The following SCAMP5 variants were observed in gnomAD, a reference collection of about 807,000 sequenced individuals.
The protein encoded by SCAMP5 is secretory carrier-associated membrane protein 5.
Under a neutral mutation model 28.3 loss-of-function variants are expected in SCAMP5, and 7 were observed. The ratio of observed to expected loss-of-function variants is 0.25; its 90% CI spans 0.14 to 0.46. The LOEUF is 0.46. Ranked by LOEUF, SCAMP5 falls within the 20% of genes least tolerant of loss-of-function variation. The pLI, the probability that SCAMP5 is intolerant of heterozygous loss-of-function variation, is 0.99. For missense variants in SCAMP5, 192 were observed against 312.5 expected (o/e 0.61, Z 2.91); for synonymous variants, 117 against 116.4 (o/e 1.00, Z -0.03).
chr15:75,019,131 A>T lies in SCAMP5; in HGVS notation c.*148A>T. On this transcript the variant is annotated 3_prime_UTR_variant, in exon 7 of 7. Coordinates refer to ENST00000425597, the MANE Select transcript of SCAMP5 (RefSeq NM_138967.4). ...AAGGACCAGAGTTATATATATATAT[A>T]TATGTATATGTCTGTACCCCAGCCC... 1 of 477,854 alleles carries T rather than the reference A, an allele frequency of 2.1e-6. No individual in the cohort carries two copies. The highest frequency in any genetic ancestry group is 2.0e-5 in the African/African-American group (1 of 48,782). 29.6% of individuals were successfully genotyped at this position (477,854 alleles called of 1,614,324 possible).
At position 75,017,953 on chromosome 15, in the gene SCAMP5, T is replaced by C; in HGVS notation, c.377T>C (p.Ile126Thr). The C allele has an allele frequency of 1.2e-6, 2 of 1,612,872 alleles. No homozygotes were observed. The highest frequency in any genetic ancestry group is 1.7e-6 in the Non-Finnish European group (2 of 1,178,912). ...LVISIIQAVG[I>T]PGWGVCGWIA... ...ATCAGCATCATCCAGGCCGTGGGCA[T>C]CCCAGGCTGGGGCGTCTGGTAAGAG... The change falls in exon 5 of 7, where the codon ATC (isoleucine) becomes ACC (threonine). Residue 126 changes from isoleucine (I) to threonine (T), a missense_variant. Ile to Thr is a moderately conservative substitution (Grantham distance 89). Transcript: ENST00000425597.
intron 1 of SCAMP5, chr15:74,997,466 A>T (rs931140776): frequency 6.6e-6 from 1 of 152,328 alleles, no homozygotes. Flanking sequence ...TCCAGGAGGG[A>T]GTGAGGAGAT....
chr15:74,995,570 C>G lies in SCAMP5; in HGVS notation c.-152C>G, dbSNP rs1262699840. ...CGCGCGCGCGCGCGCGCTCCCCGCC[C>G]CCAGCCCCGGAGCGGCTCGCGGCCG... On this transcript the variant is annotated 5_prime_UTR_variant, in exon 1 of 7. Coordinates refer to ENST00000425597, the MANE Select transcript of SCAMP5 (RefSeq NM_138967.4). 1 of 147,540 alleles carries G rather than the reference C, an allele frequency of 6.8e-6. No homozygotes were observed. Among genetic ancestry groups the G allele is most frequent in the Non-Finnish European group, 1.5e-5 (1 of 66,316 alleles). 9.1% of individuals were successfully genotyped at this position (147,540 alleles called of 1,614,324 possible).
At chr15:75,011,460 G>T (rs564000443) in intron 1 of SCAMP5, among the ~76,000 whole-genome samples, 1 of 152,194 alleles carries the variant, frequency 6.6e-6, no homozygotes, top group Non-Finnish European at 1.5e-5. Flanking sequence ...GACCAAGGCC[G>T]AGGCTCAGTC....
intron 1 of SCAMP5, chr15:75,009,989 C>T (rs889619488): frequency 1.3e-5 from 2 of 152,154 alleles, no homozygotes; most frequent in Admixed American, 6.5e-5. Context: ...TTTCCTGTTC[C>T]AAAACTTTAA....
At chr15:75,015,150 C>T (rs1443223358) in intron 3 of SCAMP5, among the ~76,000 whole-genome samples, 2 of 150,650 alleles carry the variant, frequency 1.3e-5, no homozygotes, top group Non-Finnish European at 2.9e-5. Flanking sequence ...GTGCTTTACT[C>T]CCAAGGAAAT....
rs1388044360 is a variant in SCAMP5 at position 74,996,485 on chromosome 15, C to T, written c.-49+812C>T. 6.6e-6 allele frequency among the ~76,000 whole-genome samples: 1 copy of T among 152,182 alleles called. No homozygotes were observed. Among genetic ancestry groups the T allele is most frequent in the Non-Finnish European group, 1.5e-5 (1 of 68,034 alleles). Reference sequence around the variant, plus strand: ...GGGAGATCAGTGAGGGCCTGGCAGACTTTCCCAGGGACACAGAGAGAAAGG... The same window carrying T: ...GGGAGATCAGTGAGGGCCTGGCAGATTTTCCCAGGGACACAGAGAGAAAGG... On this transcript the variant is annotated intron_variant, in intron 1 of 6. Coordinates refer to ENST00000425597, the MANE Select transcript of SCAMP5 (RefSeq NM_138967.4). This position sits in a 1 kb window ranked among gnomAD's most constrained non-coding sequence, Gnocchi z 4.1.
intron 3 of SCAMP5, among the ~76,000 whole-genome samples, chr15:75,014,739 G>A (rs2065844396): frequency 6.6e-6 from 1 of 152,090 alleles, no homozygotes; most frequent in Non-Finnish European, 1.5e-5. Context: ...AGAGAGAGAG[G>A]GGCTGAGCTC....
intron 1 of SCAMP5, among the ~76,000 whole-genome samples, chr15:75,008,063 T>C (rs1392712487): frequency 6.6e-6 from 1 of 150,854 alleles, no homozygotes; most frequent in Non-Finnish European, 1.5e-5. Context: ...AACCCAGAAT[T>C]ACTGTGATCA....
intron 1 of SCAMP5, among the ~76,000 whole-genome samples, chr15:75,009,263 C>T (rs2065788695): frequency 6.6e-6 from 1 of 152,098 alleles, no homozygotes; most frequent in African/African-American, 2.4e-5. Context: ...AATTAATGCA[C>T]CTGTGTATGG....
intron 1 of SCAMP5, among the ~76,000 whole-genome samples, chr15:74,998,395 C>T (rs2065671699): frequency 6.6e-6 from 1 of 152,074 alleles, no homozygotes; most frequent in South Asian, 2.1e-4. Flanking sequence ...CACCTGAGGT[C>T]AGGAGTTCGA....
Position 75,018,021 on chromosome 15 carries a change from G to T in SCAMP5, c.395+50G>T. ...GGCTGGCAGGGGTGGCGTTGTGGGT[G>T]TATCTTTTGCTTACCTTTGTGTGCT... On this transcript the variant is annotated intron_variant, in intron 5 of 6. Coordinates refer to ENST00000425597, the MANE Select transcript of SCAMP5 (RefSeq NM_138967.4). This position sits in a 1 kb window ranked among gnomAD's most constrained non-coding sequence, Gnocchi z 5.6. The T allele has an allele frequency of 8.4e-7, 1 of 1,192,650 alleles. No individual in the cohort carries two copies. Among genetic ancestry groups the T allele is most frequent in the Non-Finnish European group, 1.2e-6 (1 of 803,502 alleles). The allele number at this position is 1,192,650 out of a possible 1,614,324, so 73.9% of individuals were successfully genotyped here. A position where few individuals can be genotyped will look rare whatever the true frequency, so the allele number is the denominator to read the frequency against.
intron 1 of SCAMP5, among the ~76,000 whole-genome samples, chr15:75,001,511 C>T (rs898824098): frequency 2.2e-4 from 34 of 151,504 alleles, no homozygotes; most frequent in African/African-American, 7.8e-4. Context: ...TGCAGTGGCT[C>T]ATATCTGTAA....
rs74247770 is a variant in SCAMP5 at position 75,000,940 on chromosome 15, C to A, written c.-49+5267C>A. Among the ~76,000 whole-genome samples the A allele has an allele frequency of 0.014, 2,145 of 152,046 alleles. 121 individuals carry two copies. The East Asian group carries it at 0.21, about 15-fold the overall frequency. ...CACCTGCTTTCCTGATTCTCTTTCC[C>A]TGGCCAACTCCCTATTCCTTGTTAA... On this transcript the variant is annotated intron_variant, in intron 1 of 6. Transcript: ENST00000425597.
Position 75,016,584 on chromosome 15 carries a change from G to A in SCAMP5, c.137-9G>A. ...GTCTCTATGTGTGCATGTGCTCCTG[G>A]GCCTGCAGTGAACAGCGTCACGCTG... On this transcript the variant is annotated splice_polypyrimidine_tract_variant and intron_variant, in intron 3 of 6. Coordinates refer to ENST00000425597, the MANE Select transcript of SCAMP5 (RefSeq NM_138967.4). 6.2e-7 allele frequency: 1 copy of A among 1,610,378 alleles called. No individual in the cohort carries two copies. The highest frequency in any genetic ancestry group is 1.1e-5 in the South Asian group (1 of 90,758).
At position 75,011,821 on chromosome 15, in the gene SCAMP5, T is replaced by C. The variant is rs1267085295; in HGVS notation, c.-19T>C. ...GGACAAAGAGGTGTGGGCAGGCCAC[T>C]GGGCCAGCTGGTAACATCATGGCAG... On this transcript the variant is annotated 5_prime_UTR_variant, in exon 2 of 7. Coordinates refer to ENST00000425597, the MANE Select transcript of SCAMP5 (RefSeq NM_138967.4). The C allele has an allele frequency of 6.2e-7, 1 of 1,611,806 alleles. No homozygotes were observed. Among genetic ancestry groups the C allele is most frequent in the East Asian group, 2.2e-5 (1 of 44,872 alleles).
At chr15:75,006,760 G>A (rs1368099261) in intron 1 of SCAMP5, among the ~76,000 whole-genome samples, 8 of 147,272 alleles carry the variant, frequency 5.4e-5, no homozygotes, top group Non-Finnish European at 1.0e-4. Context: ...GGGTGACAGA[G>A]CGAGACTCCA....
At chr15:75,014,254 C>T (rs2065840243) in intron 3 of SCAMP5, among the ~76,000 whole-genome samples, 1 of 152,104 alleles carries the variant, frequency 6.6e-6, no homozygotes, top group African/African-American at 2.4e-5. Flanking sequence ...GACTCAGTTT[C>T]AAGGCCTGGC....
At chr15:75,005,490 T>C (rs2065748515) in intron 1 of SCAMP5, among the ~76,000 whole-genome samples, 1 of 152,022 alleles carries the variant, frequency 6.6e-6, no homozygotes, top group South Asian at 2.1e-4. Flanking sequence ...CTGCCAGGCT[T>C]CCCCATTGCA....
Sources: allele counts gnomAD v4.1 joint callset (sites outside exome capture counted in the v4.1 genomes callset), GRCh38; gene constraint gnomAD v4.1.1; non-coding constraint Gnocchi (gnomAD v3.1); transcripts MANE v1.5; gene names NCBI Gene and HGNC (gene_info 2026-07-23, HGNC 2026-07-21).